Variants in MAEL observed in about 807,000 individuals in gnomAD.
The protein encoded by MAEL is maelstrom spermatogenic transposon silencer, also known as protein maelstrom homolog.
MAEL carries 46 observed loss-of-function variants against 62.0 expected under a neutral mutation model. The ratio of observed to expected loss-of-function variants is 0.74; its 90% CI spans 0.59 to 0.95. MAEL has a LOEUF of 0.95. Ranked by LOEUF, MAEL falls within the 40% of genes least tolerant of loss-of-function variation. The pLI is 0.00. For synonymous variants in MAEL, 172 were observed against 175.5 expected (o/e 0.98, Z 0.16); for missense variants, 497 against 526.8 (o/e 0.94, Z 0.55).
chr1:166,993,807 G>A (rs1438597749), intron 4 of MAEL, among the ~76,000 whole-genome samples: 4 of 152,080 alleles, frequency 2.6e-5, no homozygotes, highest in African/African-American at 9.7e-5. Flanking sequence ...TTCTCTGTAA[G>A]GAGTAACTTA....
intron 8 of MAEL, among the ~76,000 whole-genome samples, chr1:167,015,347 A>G (rs1305032440): frequency 1.3e-5 from 2 of 152,140 alleles, no homozygotes; most frequent in Non-Finnish European, 2.9e-5. Context: ...GGAAATTCTT[A>G]ATTTTATTTT....
At chr1:166,981,898 A>C (rs754569248) in intron 1 of MAEL, among the ~76,000 whole-genome samples, 4 of 152,214 alleles carry the variant, frequency 2.6e-5, no homozygotes, top group African/African-American at 9.7e-5. Flanking sequence ...AAGTAGAACA[A>C]GATCAGACCT....
chr1:166,988,497 G>A (rs982310230), upstream of MAEL, among the ~76,000 whole-genome samples: 3 of 151,206 alleles, frequency 2.0e-5, no homozygotes, highest in African/African-American at 7.3e-5. Flanking sequence ...AAGCTGACCC[G>A]AGAAAGGAAT....
intron 9 of MAEL, among the ~76,000 whole-genome samples, chr1:167,017,101 A>G (rs971756387): frequency 1.3e-5 from 2 of 152,160 alleles, no homozygotes; most frequent in Non-Finnish European, 2.9e-5. Context: ...GTCAATAATA[A>G]TTTAATTGTA....
intron 9 of MAEL, 54 bp downstream of exon 9, chr1:167,016,338 T>C (rs929304223): frequency 6.4e-7 from 1 of 1,554,518 alleles, no homozygotes; most frequent in African/African-American, 1.4e-5. Context: ...TAAATTATTC[T>C]GTGCCGTTTT....
At chr1:166,991,036 A>G (rs1001392728) in intron 2 of MAEL, among the ~76,000 whole-genome samples, 1 of 152,178 alleles carries the variant, frequency 6.6e-6, no homozygotes, top group Non-Finnish European at 1.5e-5. Flanking sequence ...TTAAGTGAAA[A>G]ACAAGCAAAA....
chr1:167,003,757 T>C lies in MAEL; in HGVS notation c.524-423T>C, dbSNP rs1280863697. On this transcript the variant is annotated intron_variant, in intron 5 of 11. Transcript: ENST00000367872. ...TGGTCTAAATTACTTGGTCTTTTTT[T>C]CATGTGAAGTGGGTGTCATCATATA... Among the ~76,000 whole-genome samples the C allele has an allele frequency of 2.0e-5, 3 of 152,248 alleles. No individual in the cohort carries two copies. In the South Asian group the frequency reaches 6.2e-4, roughly 32 times the overall value.
chr1:166,994,151 A>C (rs2102074646), intron 5 of MAEL, 82 bp downstream of exon 5: 1 of 1,218,156 alleles, frequency 8.2e-7, no homozygotes. Context: ...CACACAAACT[A>C]TAAAATAAGA....
At chr1:167,002,911 C>G (rs1337016064) in intron 5 of MAEL, among the ~76,000 whole-genome samples, 1 of 152,144 alleles carries the variant, frequency 6.6e-6, no homozygotes, top group Non-Finnish European at 1.5e-5. Flanking sequence ...TGGTAACGCC[C>G]TGGGAAGAAA....
chr1:167,003,267 T>C (rs1253522778), intron 5 of MAEL, among the ~76,000 whole-genome samples: 3 of 152,202 alleles, frequency 2.0e-5, no homozygotes, highest in African/African-American at 7.2e-5. Flanking sequence ...TCTTTATACA[T>C]AATTAACAAT....
At chr1:166,997,797 G>A (rs1278788699) in intron 5 of MAEL, among the ~76,000 whole-genome samples, 2 of 152,156 alleles carry the variant, frequency 1.3e-5, no homozygotes, top group African/African-American at 2.4e-5. Context: ...CCAAGGTTGT[G>A]AAAATAATCT....
chr1:167,003,078 C>A (rs191771183), intron 5 of MAEL, among the ~76,000 whole-genome samples: 2 of 152,246 alleles, frequency 1.3e-5, no homozygotes, highest in East Asian at 1.9e-4. Context: ...TTGAACAACT[C>A]CTGCATCTCT....
chr1:167,007,593 GTGTGTA>G (rs879769782), intron 8 of MAEL, among the ~76,000 whole-genome samples: 4,802 of 77,350 alleles, frequency 0.062, 193 homozygotes, highest in African/African-American at 0.25. Flanking sequence ...GTGTGTGTGT[GTGTGTA>G]TGTACACACA....
chr1:166,989,347 G>T lies in MAEL; in HGVS notation c.-6G>T. The T allele has an allele frequency of 1.2e-6, 2 of 1,607,992 alleles. No homozygotes were observed. Among genetic ancestry groups the T allele is most frequent in the Non-Finnish European group, 8.5e-7 (1 of 1,177,428 alleles). On this transcript the variant is annotated 5_prime_UTR_variant, in exon 1 of 12. Coordinates refer to ENST00000367872, the MANE Select transcript of MAEL (RefSeq NM_032858.3). ...GTCTGAGGCCAGGAAGTTTGACCGC[G>T]CTGCCATGCCGAACCGTAAGGCCAG... is the stretch of plus-strand genomic sequence containing the variant.
chr1:167,012,853 T>C (rs560322994), intron 8 of MAEL, among the ~76,000 whole-genome samples: 3 of 152,046 alleles, frequency 2.0e-5, no homozygotes, highest in Non-Finnish European at 2.9e-5. Context: ...TGGGGAGTAA[T>C]GAGTGAAGAG....
In MAEL at chr1:167,004,250, C is replaced by G. The variant is rs770454266; in HGVS notation, c.594C>G (p.Asn198Lys). 13 of 1,608,802 alleles carry G rather than the reference C, an allele frequency of 8.1e-6. No individual in the cohort carries two copies. Among genetic ancestry groups the G allele is most frequent in the Non-Finnish European group, 1.1e-5 (13 of 1,177,522 alleles). ...ATAACCAAGCAACTGTGTTACAAAACCTTTATAGATTTATTCATCCCAACC... is the reference window on the plus strand; with the variant it reads ...ATAACCAAGCAACTGTGTTACAAAAGCTTTATAGATTTATTCATCCCAACC... ...RGHNQATVLQNLYRFIHPNPG... is the reference protein window; with the variant it reads ...RGHNQATVLQKLYRFIHPNPG... The change falls in exon 6 of 12, where the codon AAC (asparagine) becomes AAG (lysine). Residue 198 changes from asparagine to lysine, a missense_variant. Coordinates refer to ENST00000367872, the MANE Select transcript of MAEL (RefSeq NM_032858.3).
At chr1:166,985,992 T>C (rs1264633754), upstream of MAEL, among the ~76,000 whole-genome samples, 1 of 152,214 alleles carries the variant, frequency 6.6e-6, no homozygotes, top group Non-Finnish European at 1.5e-5. Flanking sequence ...TTTTAGATTT[T>C]TTAAAACGAC....
chr1:167,005,667 T>G, intron 8 of MAEL: 1 of 246,838 alleles, frequency 4.1e-6, no homozygotes, highest in South Asian at 1.4e-4. Context: ...AGACAGATTT[T>G]TATTACATAG....
At chr1:167,004,870 A>G (rs927882293) in intron 6 of MAEL, among the ~76,000 whole-genome samples, 9 of 152,166 alleles carry the variant, frequency 5.9e-5, no homozygotes, top group African/African-American at 1.9e-4. Flanking sequence ...GTATAAATGT[A>G]ACTGACTAAT....
Sources: gnomAD v4.1 joint callset for allele counts (sites outside exome capture counted in the v4.1 genomes callset) on GRCh38, gnomAD v4.1.1 for gene constraint, MANE v1.5 for transcripts, NCBI Gene and HGNC (gene_info 2026-07-23, HGNC 2026-07-21) for gene names.